Variants in DCC observed in about 807,000 individuals in gnomAD.
DCC encodes the protein netrin receptor DCC.
A neutral mutation model predicts 172.5 loss-of-function variants in DCC; 58 were observed. The observed-to-expected ratio is 0.34, with a 90% CI of 0.27 to 0.42. The LOEUF (loss-of-function observed/expected upper bound fraction) is 0.42, where lower values mean the gene tolerates loss of function less well. Among genes scored for constraint, DCC ranks in the 10% least tolerant of loss-of-function variants. The pLI is 1.00. For synonymous variants in DCC, 709 were observed against 644.5 expected (o/e 1.10, Z -1.52); for missense variants, 1,740 against 1,791.0 (o/e 0.97, Z 0.51).
At chr18:52,587,345 A>C (rs887427358) in intron 1 of DCC, among the ~76,000 whole-genome samples, 1 of 152,170 alleles carries the variant, frequency 6.6e-6, no homozygotes, top group Non-Finnish European at 1.5e-5. Flanking sequence ...GGCGATGACA[A>C]GGGTGGCTGG....
chr18:52,849,998 A>G (rs934698924), intron 2 of DCC, among the ~76,000 whole-genome samples: 4 of 152,216 alleles, frequency 2.6e-5, no homozygotes, highest in African/African-American at 7.2e-5. Context: ...ATTGGAAGCA[A>G]AGAGAACTAG....
intron 5 of DCC, among the ~76,000 whole-genome samples, chr18:53,035,980 A>G (rs1395997586): frequency 8.6e-5 from 13 of 151,970 alleles, no homozygotes; most frequent in Non-Finnish European, 1.0e-4. Flanking sequence ...CACCAACTCT[A>G]CTTATTTTTA....
chr18:52,620,640 T>C (rs1201092935), intron 1 of DCC, among the ~76,000 whole-genome samples: 1 of 151,784 alleles, frequency 6.6e-6, no homozygotes, highest in East Asian at 1.9e-4. Context: ...CATTTTAAAT[T>C]ACTTTTTAGT....
At chr18:53,136,743 G>A (rs1164022229) in intron 7 of DCC, among the ~76,000 whole-genome samples, 1 of 152,104 alleles carries the variant, frequency 6.6e-6, no homozygotes, top group Non-Finnish European at 1.5e-5. Flanking sequence ...TTGTGTATGG[G>A]CACAGTTTGT....
intron 8 of DCC, among the ~76,000 whole-genome samples, chr18:53,161,136 T>A (rs2054831888): frequency 6.6e-6 from 1 of 152,342 alleles, no homozygotes; most frequent in South Asian, 2.1e-4. Flanking sequence ...TTCTCTTTCA[T>A]AGGAATATTC....
intron 7 of DCC, among the ~76,000 whole-genome samples, chr18:53,096,818 C>A (rs138416510): frequency 7.9e-5 from 12 of 152,198 alleles, no homozygotes; most frequent in Admixed American, 3.3e-4. Context: ...TTATGATCCT[C>A]GTCTGTGATA....
intron 7 of DCC, among the ~76,000 whole-genome samples, chr18:53,153,657 T>C (rs1174716669): frequency 6.6e-6 from 1 of 152,238 alleles, no homozygotes; most frequent in Non-Finnish European, 1.5e-5. Context: ...TAATATTATG[T>C]TACTTGGTTT....
intron 1 of DCC, among the ~76,000 whole-genome samples, chr18:52,441,068 C>T (rs893294453): frequency 6.6e-6 from 1 of 152,154 alleles, no homozygotes; most frequent in South Asian, 2.1e-4. Context: ...TGCCTTGAGG[C>T]TATGGACATA....
intron 8 of DCC, among the ~76,000 whole-genome samples, chr18:53,176,685 G>C (rs2055100786): frequency 1.3e-5 from 2 of 151,924 alleles, no homozygotes; most frequent in South Asian, 2.1e-4. Flanking sequence ...AACAACAGGT[G>C]CTGGAGAGGA....
rs144331156 is a variant in DCC at position 52,752,158 on chromosome 18, G to A, written c.196G>A (p.Asp66Asn). Residue 66 changes from aspartate to asparagine, a missense_variant, in exon 2 of 29, where the codon GAC becomes AAC. Coordinates refer to ENST00000442544, the MANE Select transcript of DCC (RefSeq NM_005215.4). ...NVLLDCSAES[D>N]RGVPVIKWKK... ...CCTCCTCGACTGCTCCGCGGAGTCC[G>A]ACCGAGGAGTTCCAGTGATCAAGTG... 408 of 1,614,136 alleles carry A rather than the reference G, an allele frequency of 2.5e-4. 5 individuals carry two copies. The South Asian group carries it at 4.2e-3, about 17-fold the overall frequency.
intron 1 of DCC, among the ~76,000 whole-genome samples, chr18:52,682,758 T>C (rs1293810041): frequency 1.3e-5 from 2 of 152,062 alleles, no homozygotes; most frequent in East Asian, 3.9e-4. Context: ...GGATAATGAC[T>C]GGGGGAAGGG....
intron 2 of DCC, among the ~76,000 whole-genome samples, chr18:52,846,772 A>G (rs549594006): frequency 1.1e-4 from 16 of 152,246 alleles, no homozygotes; most frequent in South Asian, 8.3e-4. Flanking sequence ...CTGAGCTTCA[A>G]CTGGAAAAAG....
intron 7 of DCC, among the ~76,000 whole-genome samples, chr18:53,126,573 A>C (rs781644625): frequency 6.6e-6 from 1 of 152,132 alleles, no homozygotes; most frequent in Non-Finnish European, 1.5e-5. Context: ...AGCACAAACA[A>C]TCTGGGTTGG....
intron 24 of DCC, among the ~76,000 whole-genome samples, chr18:53,460,719 T>G (rs1416826734): frequency 6.6e-6 from 1 of 152,144 alleles, no homozygotes; most frequent in East Asian, 1.9e-4. Flanking sequence ...TTTGCTATTG[T>G]GAATAATGCC....
chr18:52,685,804 G>C (rs1045850076), intron 1 of DCC, among the ~76,000 whole-genome samples: 3 of 152,038 alleles, frequency 2.0e-5, no homozygotes, highest in Non-Finnish European at 2.9e-5. Flanking sequence ...AGGTAAATTA[G>C]AAAAGCTCCC....
At chr18:52,794,281 T>C (rs1376182614) in intron 2 of DCC, among the ~76,000 whole-genome samples, 1 of 152,140 alleles carries the variant, frequency 6.6e-6, no homozygotes. Context: ...TATTGATTCC[T>C]TCAATCTTTG....
At chr18:52,988,602 A>T (rs2041332702) in intron 5 of DCC, among the ~76,000 whole-genome samples, 1 of 152,156 alleles carries the variant, frequency 6.6e-6, no homozygotes. Flanking sequence ...AAACATGGTA[A>T]TATAAGCATT....
At chr18:53,078,258 T>A (rs2042749143) in intron 7 of DCC, among the ~76,000 whole-genome samples, 1 of 152,106 alleles carries the variant, frequency 6.6e-6, no homozygotes, top group African/African-American at 2.4e-5. Context: ...GCCACTGCAC[T>A]CCAGCCTGGG....
intron 23 of DCC, among the ~76,000 whole-genome samples, chr18:53,455,526 G>C (rs2045472499): frequency 6.6e-6 from 1 of 152,156 alleles, no homozygotes; most frequent in South Asian, 2.1e-4. Context: ...AACCAGTACA[G>C]AACCAGAGAA....
Sources: gnomAD v4.1 joint callset for allele counts (sites outside exome capture counted in the v4.1 genomes callset) on GRCh38, gnomAD v4.1.1 for gene constraint, MANE v1.5 for transcripts, NCBI Gene and HGNC (gene_info 2026-07-23, HGNC 2026-07-21) for gene names.